The following WDR20 variants were observed in gnomAD, a reference collection of about 807,000 sequenced individuals.
The protein encoded by WDR20 is WD repeat domain 20, also known as WD repeat-containing protein 20.
WDR20 carries 3 observed loss-of-function variants against 38.7 expected under a neutral mutation model. That is an observed-to-expected ratio of 0.08 (90% CI 0.04 to 0.20). The LOEUF is 0.20. Ranked by LOEUF, WDR20 falls within the 10% of genes least tolerant of loss-of-function variation. The pLI is 1.00. For synonymous variants in WDR20, 298 were observed against 285.6 expected (o/e 1.04, Z -0.44); for missense variants, 559 against 727.7 (o/e 0.77, Z 2.67).
At position 102,206,137 on chromosome 14, in the gene WDR20, C is replaced by T. The variant is rs1169933934; in HGVS notation, c.433-2466C>T. ...GAGCAGCTGGGATTACAGGTTCGCA[C>T]TACCATGCCCAGCTAATTTTTGTAT... On this transcript the variant is annotated intron_variant, in intron 2 of 2. Coordinates refer to ENST00000342702, the MANE Select transcript of WDR20 (RefSeq NM_144574.4). 3.3e-5 allele frequency among the ~76,000 whole-genome samples: 5 copies of T among 152,196 alleles called. No homozygotes were observed. The East Asian group carries it at 9.6e-4, about 29-fold the overall frequency.
chr14:102,149,821 T>C (rs1352662092), intron 1 of WDR20, among the ~76,000 whole-genome samples: 1 of 152,106 alleles, frequency 6.6e-6, no homozygotes, highest in Non-Finnish European at 1.5e-5. Flanking sequence ...GACTCCAGAG[T>C]GGCTGGGACT....
intron 2 of WDR20, chr14:102,198,189 C>T (rs191001920): frequency 2.1e-5 from 4 of 194,266 alleles, no homozygotes; most frequent in Non-Finnish European, 3.3e-5. Flanking sequence ...AGTGCAGTGG[C>T]GCAATCTTGG....
chr14:102,220,547 C>T lies in WDR20; in HGVS notation c.1693-2283C>T, dbSNP rs2153065963. ...CAAGACCATCCTAACAGTGAAACCC[C>T]ATCTCTACTAAAACTACAAAAAGTT... On this transcript the variant is annotated intron_variant, in intron 3 of 3. Transcript: ENST00000335263. The surrounding 1 kb of genome is among the most constrained non-coding windows in gnomAD (Gnocchi z 4.2). Among the ~76,000 whole-genome samples the T allele has an allele frequency of 6.6e-6, 1 of 152,130 alleles. No individual in the cohort carries two copies. Among genetic ancestry groups the T allele is most frequent in the East Asian group, 1.9e-4 (1 of 5,172 alleles).
upstream of WDR20, chr14:102,139,506 G>C: frequency 7.8e-7 from 1 of 1,279,924 alleles, no homozygotes; most frequent in South Asian, 1.5e-5. Flanking sequence ...CCTCAGGGCA[G>C]GGCGGGAGAC....
chr14:102,218,422 C>A (rs2063487265), downstream of WDR20, among the ~76,000 whole-genome samples: 1 of 152,242 alleles, frequency 6.6e-6, no homozygotes. Flanking sequence ...AGCTTCAGGA[C>A]ATGTCCTTTC....
intron 2 of WDR20, among the ~76,000 whole-genome samples, chr14:102,198,616 C>T (rs2059804554): frequency 6.6e-6 from 1 of 152,182 alleles, no homozygotes; most frequent in South Asian, 2.1e-4. Context: ...GGGAAGGTGG[C>T]ATGAAGTAAG....
chr14:102,139,728 A>C (rs1375877678), upstream of WDR20: 3 of 817,684 alleles, frequency 3.7e-6, no homozygotes, highest in Non-Finnish European at 5.6e-6. Context: ...GGAGCACGCC[A>C]GGTGAGCACG....
intron 2 of WDR20, 138 bp downstream of exon 2, chr14:102,195,258 G>C (rs541767714): frequency 1.1e-6 from 1 of 896,808 alleles, no homozygotes; most frequent in Admixed American, 2.8e-5. Flanking sequence ...GTATGCCCAA[G>C]TTTAAATGTG....
At chr14:102,191,919 A>T (rs952520039) in intron 1 of WDR20, among the ~76,000 whole-genome samples, 2 of 152,252 alleles carry the variant, frequency 1.3e-5, no homozygotes, top group African/African-American at 4.8e-5. Flanking sequence ...AATAAAAAGA[A>T]TTAATAGGAA....
At chr14:102,200,313 A>G (rs907712914) in intron 2 of WDR20, among the ~76,000 whole-genome samples, 3 of 152,186 alleles carry the variant, frequency 2.0e-5, no homozygotes, top group African/African-American at 7.2e-5. Flanking sequence ...TATTGAAAGT[A>G]TCTTGGCGCA....
At chr14:102,139,756 TA>T, upstream of WDR20, 1 of 1,043,168 alleles carries the variant, frequency 9.6e-7, no homozygotes, top group Non-Finnish European at 1.4e-6. Context: ...AGTCGGGCCG[TA>T]AACAAGCCCA....
Position 102,195,204 on chromosome 14 carries a change from CT to C in WDR20, c.432+86del, listed in dbSNP as rs377478552. ...CGAGGGTAGTCGGCCTTATTTTGCACTTCAAGCTAAGCCCATTTTTTATTCG... is the reference window on the plus strand; with the variant it reads ...CGAGGGTAGTCGGCCTTATTTTGCACTCAAGCTAAGCCCATTTTTTATTCG... On this transcript the variant is annotated intron_variant, in intron 2 of 2. Coordinates refer to ENST00000342702, the MANE Select transcript of WDR20 (RefSeq NM_144574.4). 91 of 1,479,006 alleles carry C rather than the reference CT, an allele frequency of 6.2e-5. 1 individual carries two copies. The African/African-American group carries it at 8.8e-4, about 14-fold the overall frequency. The allele number at this position is 1,479,006 out of a possible 1,614,324, so 91.6% of individuals were successfully genotyped here. A position where few individuals can be genotyped will look rare whatever the true frequency, so the allele number is the denominator to read the frequency against.
At chr14:102,201,596 G>A (rs1212511376) in intron 2 of WDR20, among the ~76,000 whole-genome samples, 2 of 152,088 alleles carry the variant, frequency 1.3e-5, no homozygotes, top group East Asian at 3.8e-4. Context: ...TGTTTGGCCT[G>A]CAGAGCTGGA....
At position 102,207,847 on chromosome 14, in the gene WDR20, C is replaced by T. The variant is rs2061833138; in HGVS notation, c.433-756C>T. Among the ~76,000 whole-genome samples the T allele has an allele frequency of 6.6e-6, 1 of 152,154 alleles. No individual in the cohort carries two copies. Among genetic ancestry groups the T allele is most frequent in the African/African-American group, 2.4e-5 (1 of 41,430 alleles). On this transcript the variant is annotated intron_variant, in intron 2 of 2. Coordinates refer to ENST00000342702, the MANE Select transcript of WDR20 (RefSeq NM_144574.4). The surrounding 1 kb of genome is among the most constrained non-coding windows in gnomAD (Gnocchi z 5.0). ...ACATACGCCTGTTAAAGAAACATCT[C>T]GGTCAGGGGTCCAAAGTTAGCATAT...
chr14:102,213,634 C>T, downstream of WDR20: 1 of 985,434 alleles, frequency 1.0e-6, no homozygotes, highest in Non-Finnish European at 1.2e-6. Flanking sequence ...CTGACTTCAC[C>T]CCCAGGGCCC....
intron 1 of WDR20, among the ~76,000 whole-genome samples, chr14:102,146,496 G>A (rs1007536933): frequency 2.6e-5 from 4 of 152,148 alleles, no homozygotes; most frequent in African/African-American, 9.7e-5. Flanking sequence ...CTGAGATGAA[G>A]TTGGGGCCAG....
At chr14:102,188,639 G>C (rs1281672473) in intron 1 of WDR20, among the ~76,000 whole-genome samples, 1 of 151,798 alleles carries the variant, frequency 6.6e-6, no homozygotes, top group Non-Finnish European at 1.5e-5. Flanking sequence ...AGGCTGAGAT[G>C]TGAGGGTTCT....
chr14:102,167,832 A>G (rs1220859247), intron 1 of WDR20, among the ~76,000 whole-genome samples: 9 of 152,218 alleles, frequency 5.9e-5, no homozygotes, highest in Non-Finnish European at 1.3e-4. Context: ...ACTCCTGTCT[A>G]TTCTGCATGC....
downstream of WDR20, chr14:102,215,121 C>G (rs1567093245): frequency 4.5e-6 from 2 of 446,492 alleles, no homozygotes; most frequent in Non-Finnish European, 3.0e-6. Context: ...GTTTATAGAA[C>G]AGCCAGCCAC....
Sources: allele counts gnomAD v4.1 joint callset (sites outside exome capture counted in the v4.1 genomes callset), GRCh38; gene constraint gnomAD v4.1.1; non-coding constraint Gnocchi (gnomAD v3.1); transcripts MANE v1.5; gene names NCBI Gene and HGNC (gene_info 2026-07-23, HGNC 2026-07-21).